MYLK4: variants seen among roughly 807,000 people sequenced by gnomAD.
MYLK4 encodes the protein caMLCK like.
Under a neutral mutation model 48.1 loss-of-function variants are expected in MYLK4, and 46 were observed. That is an observed-to-expected ratio of 0.96 (90% CI 0.75 to 1.22). MYLK4 has a LOEUF of 1.22. Ranked by LOEUF, MYLK4 falls within the 50% of genes most tolerant of loss-of-function variation. MYLK4 has a pLI of 0.00. For synonymous variants in MYLK4, 170 were observed against 180.8 expected, an observed-to-expected ratio of 0.94 and a Z score of 0.48; for missense variants, 451 against 486.1, an observed-to-expected ratio of 0.93 and a Z score of 0.68.
the MYLK4 span, chr6:2,765,665 C>A: frequency 6.4e-7 from 1 of 1,551,422 alleles, no homozygotes; most frequent in African/African-American, 1.4e-5. Flanking sequence ...CCTTTCGCAG[C>A]TGCACCAGGT....
chr6:2,766,582 C>T, the MYLK4 span: 3 of 1,374,064 alleles, frequency 2.2e-6, no homozygotes, highest in Non-Finnish European at 2.8e-6. Flanking sequence ...TTGGGCTGGG[C>T]TGGGGCAGTG....
intron 1 of MYLK4, 101 bp from the exon 2 acceptor site, chr6:2,749,507 C>T: frequency 2.5e-6 from 1 of 403,448 alleles, no homozygotes; most frequent in South Asian, 7.9e-5. Flanking sequence ...TCTGTTTAAA[C>T]TGGAGAGAGG....
intron 2 of MYLK4, among the ~76,000 whole-genome samples, chr6:2,715,035 T>A (rs4959708): frequency 3.3e-5 from 5 of 151,894 alleles, no homozygotes; most frequent in African/African-American, 9.7e-5. Flanking sequence ...GAGGCCACGG[T>A]GGGCAGATCA....
intron 2 of MYLK4, among the ~76,000 whole-genome samples, chr6:2,737,639 C>A (rs963569299): frequency 6.6e-6 from 1 of 152,006 alleles, no homozygotes; most frequent in Non-Finnish European, 1.5e-5. Flanking sequence ...GAGGGGGAGT[C>A]CATAGCTCCA....
At chr6:2,762,310 TC>T in the MYLK4 span, among the ~76,000 whole-genome samples, 2 of 152,220 alleles carry the variant, frequency 1.3e-5, no homozygotes, top group Non-Finnish European at 2.9e-5. Context: ...TATATGCAAC[TC>T]TACTGTCTAA....
intron 7 of MYLK4, among the ~76,000 whole-genome samples, chr6:2,682,501 C>A (rs1433440333): frequency 6.6e-6 from 1 of 152,176 alleles, no homozygotes; most frequent in Non-Finnish European, 1.5e-5. Context: ...AGCACTTTGG[C>A]CCCATCCTTC....
At chr6:2,677,338 T>TC (rs1271713503) in intron 10 of MYLK4, among the ~76,000 whole-genome samples, 1 of 152,096 alleles carries the variant, frequency 6.6e-6, no homozygotes, top group African/African-American at 2.4e-5. Context: ...CCACACTGTT[T>TC]CCCCACTCCC....
At chr6:2,765,646 C>G in the MYLK4 span, 2 of 1,543,884 alleles carry the variant, frequency 1.3e-6, no homozygotes, top group South Asian at 2.3e-5. Context: ...GGCCGGAAGA[C>G]GACCCCTTCC....
chr6:2,738,356 T>C (rs757730453), intron 2 of MYLK4, among the ~76,000 whole-genome samples: 2 of 152,234 alleles, frequency 1.3e-5, no homozygotes, highest in Non-Finnish European at 2.9e-5. Context: ...TGAAACAAAG[T>C]ATTTTAGAGC....
At chr6:2,765,528 C>T in the MYLK4 span, 4 of 1,303,726 alleles carry the variant, frequency 3.1e-6, no homozygotes, top group East Asian at 6.6e-5. Flanking sequence ...GAGCGAGGGT[C>T]TCGCGGCGCG....
chr6:2,768,640 C>G, the MYLK4 span: 1 of 1,481,260 alleles, frequency 6.8e-7, no homozygotes. Flanking sequence ...GGGTGCTGGT[C>G]TCTCTGTGTC....
At chr6:2,765,842 C>A in the MYLK4 span, 1 of 1,396,338 alleles carries the variant, frequency 7.2e-7, no homozygotes, top group African/African-American at 1.5e-5. Context: ...GAGGCGGCGG[C>A]TGTCGGAGAG....
At chr6:2,719,902 C>T (rs1763006011) in intron 2 of MYLK4, among the ~76,000 whole-genome samples, 1 of 152,192 alleles carries the variant, frequency 6.6e-6, no homozygotes, top group Admixed American at 6.5e-5. Flanking sequence ...CTTTGGGAGG[C>T]TGAGGCGGGT....
At chr6:2,760,733 AAATC>A in the MYLK4 span, among the ~76,000 whole-genome samples, 4 of 152,228 alleles carry the variant, frequency 2.6e-5, no homozygotes, top group Non-Finnish European at 4.4e-5. Context: ...AATTAACAAA[AAATC>A]AATGCATTTC....
At chr6:2,668,099 G>A (rs569093632) in intron 12 of MYLK4, among the ~76,000 whole-genome samples, 200 bp from the exon 13 acceptor site, 1 of 138,812 alleles carries the variant, frequency 7.2e-6, no homozygotes, top group African/African-American at 2.6e-5. Flanking sequence ...TTCAGTTTGT[G>A]CAAGACATTT....
chr6:2,764,715 G>T, the MYLK4 span, among the ~76,000 whole-genome samples: 1 of 152,154 alleles, frequency 6.6e-6, no homozygotes, highest in African/African-American at 2.4e-5. Flanking sequence ...TGGTGTTTCC[G>T]ATTTGCCACT....
At chr6:2,714,752 A>G (rs1452113380) in intron 2 of MYLK4, among the ~76,000 whole-genome samples, 1 of 152,252 alleles carries the variant, frequency 6.6e-6, no homozygotes, top group Non-Finnish European at 1.5e-5. Context: ...TGTGGTATAT[A>G]CACACAATAG....
chr6:2,668,668 A>G (rs1339857969), intron 12 of MYLK4, among the ~76,000 whole-genome samples: 1 of 152,216 alleles, frequency 6.6e-6, no homozygotes, highest in Non-Finnish European at 1.5e-5. Flanking sequence ...TCATCCTGGC[A>G]GGGAATATTA....
At chr6:2,762,993 C>T in the MYLK4 span, among the ~76,000 whole-genome samples, 1 of 152,218 alleles carries the variant, frequency 6.6e-6, no homozygotes, top group African/African-American at 2.4e-5. Context: ...AACACCCACA[C>T]AAGCAAAAGA....
Sources: allele counts gnomAD v4.1 joint callset (sites outside exome capture counted in the v4.1 genomes callset), GRCh38; gene constraint gnomAD v4.1.1; transcripts MANE v1.5; gene names NCBI Gene and HGNC (gene_info 2026-07-23, HGNC 2026-07-21).